The following PCDH9 variants were observed in gnomAD, a reference collection of about 807,000 sequenced individuals.
The protein encoded by PCDH9 is protocadherin 9, also known as protocadherin-9.
Under a neutral mutation model 70.6 loss-of-function variants are expected in PCDH9, and 24 were observed. The observed-to-expected ratio is 0.34, with a 90% CI of 0.25 to 0.48. The LOEUF (loss-of-function observed/expected upper bound fraction) is 0.48. Among genes scored for constraint, PCDH9 ranks in the 20% least tolerant of loss-of-function variants. The pLI, the probability that PCDH9 is intolerant of heterozygous loss-of-function variation, is 0.99. For synonymous variants in PCDH9, 562 were observed against 558.5 expected, an observed-to-expected ratio of 1.01 and a Z score of -0.09; for missense variants, 1,281 against 1,503.6, an observed-to-expected ratio of 0.85 and a Z score of 2.45.
intron 2 of PCDH9, among the ~76,000 whole-genome samples, chr13:67,185,540 G>T (rs1043788049): frequency 1.3e-5 from 2 of 152,100 alleles, no homozygotes; most frequent in African/African-American, 4.8e-5. Flanking sequence ...TCAAAATTCA[G>T]TGCTTCTCTA....
At chr13:66,801,762 G>T (rs781602323) in intron 3 of PCDH9, among the ~76,000 whole-genome samples, 7 of 151,968 alleles carry the variant, frequency 4.6e-5, no homozygotes, top group African/African-American at 1.7e-4. Context: ...TTGCAGAAAG[G>T]TTAAGATATA....
chr13:66,940,308 G>T (rs2082986724), intron 2 of PCDH9, among the ~76,000 whole-genome samples: 1 of 152,026 alleles, frequency 6.6e-6, no homozygotes, highest in Non-Finnish European at 1.5e-5. Flanking sequence ...TGTCAGCTGA[G>T]TTCTTATTCA....
chr13:66,564,695 C>G (rs980890990), intron 4 of PCDH9, among the ~76,000 whole-genome samples: 5 of 151,982 alleles, frequency 3.3e-5, no homozygotes, highest in African/African-American at 9.7e-5. Flanking sequence ...TTATATTAGT[C>G]ATAAAATATT....
intron 3 of PCDH9, among the ~76,000 whole-genome samples, chr13:66,809,342 A>C (rs2080462718): frequency 6.6e-6 from 1 of 152,192 alleles, no homozygotes; most frequent in Admixed American, 6.6e-5. Context: ...TTTTATAGAA[A>C]ATTTTGTTTA....
chr13:67,208,777 C>G (rs547271482), intron 2 of PCDH9: 1 of 152,126 alleles, frequency 6.6e-6, no homozygotes, highest in African/African-American at 2.4e-5. Context: ...ATCTTTGATA[C>G]GAGTAGTTGG....
intron 3 of PCDH9, among the ~76,000 whole-genome samples, chr13:66,779,841 C>CTATA (rs1461666323): frequency 5.3e-4 from 14 of 26,242 alleles, no homozygotes; most frequent in Admixed American, 7.3e-4. Context: ...CTCTCTCTCT[C>CTATA]TCTCTCTCTA....
intron 4 of PCDH9, among the ~76,000 whole-genome samples, chr13:66,400,803 C>T (rs1269367871): frequency 6.6e-6 from 1 of 151,922 alleles, no homozygotes; most frequent in Non-Finnish European, 1.5e-5. Context: ...TTCAACTGTT[C>T]AACTTGATAG....
At chr13:67,042,704 A>C (rs2085145567) in intron 2 of PCDH9, among the ~76,000 whole-genome samples, 1 of 152,220 alleles carries the variant, frequency 6.6e-6, no homozygotes, top group Admixed American at 6.5e-5. Flanking sequence ...TGCACCAGGC[A>C]CAATGGGAAT....
chr13:67,090,563 G>A (rs560054877), intron 2 of PCDH9, among the ~76,000 whole-genome samples: 1 of 151,692 alleles, frequency 6.6e-6, no homozygotes, highest in African/African-American at 2.4e-5. Context: ...AGTGAATAAA[G>A]AATATTGTTA....
intron 2 of PCDH9, chr13:67,212,282 T>TGA (rs146478844): frequency 3.3e-5 from 5 of 151,948 alleles, no homozygotes; most frequent in South Asian, 4.2e-4. Flanking sequence ...AAAAAAAATG[T>TGA]GAGAGAGAGA....
intron 4 of PCDH9, among the ~76,000 whole-genome samples, chr13:66,545,894 C>T (rs894352374): frequency 2.0e-5 from 3 of 151,310 alleles, no homozygotes; most frequent in Non-Finnish European, 4.4e-5. Context: ...GGCTGGAGTG[C>T]AGTGGCACAT....
At chr13:66,305,121 T>G (rs1955442217) in intron 4 of PCDH9, 93 bp from the exon 5 acceptor site, 5 of 1,116,902 alleles carry the variant, frequency 4.5e-6, no homozygotes, top group Non-Finnish European at 4.9e-6. Flanking sequence ...ATTAGTGATC[T>G]TATTTTTTCA....
intron 3 of PCDH9, among the ~76,000 whole-genome samples, chr13:66,697,749 T>C (rs1211525576): frequency 3.3e-5 from 5 of 152,162 alleles, no homozygotes; most frequent in African/African-American, 1.2e-4. Context: ...GGAATGATCA[T>C]ATGATCCAGC....
chr13:66,630,320 A>G (rs1424542738), intron 4 of PCDH9, among the ~76,000 whole-genome samples: 2 of 152,158 alleles, frequency 1.3e-5, no homozygotes, highest in Non-Finnish European at 2.9e-5. Context: ...CCATGAACAT[A>G]CCCCACCAGA....
chr13:66,915,026 C>A (rs955573776), intron 2 of PCDH9: 1 of 151,486 alleles, frequency 6.6e-6, no homozygotes, highest in Non-Finnish European at 1.5e-5. Flanking sequence ...AATACATTTA[C>A]TTCAAGTAAG....
chr13:66,874,090 G>A (rs1045641532), intron 3 of PCDH9, among the ~76,000 whole-genome samples: 1 of 151,666 alleles, frequency 6.6e-6, no homozygotes, highest in African/African-American at 2.4e-5. Flanking sequence ...ACAGGTGTGT[G>A]CCACCATGTC....
chr13:66,955,028 G>C (rs2083245735), intron 2 of PCDH9, among the ~76,000 whole-genome samples: 1 of 152,170 alleles, frequency 6.6e-6, no homozygotes, highest in Non-Finnish European at 1.5e-5. Context: ...CTCCCAAAGT[G>C]CTGGGATTAC....
intron 2 of PCDH9, among the ~76,000 whole-genome samples, chr13:67,110,247 G>A (rs555809490): frequency 6.6e-6 from 1 of 151,612 alleles, no homozygotes; most frequent in African/African-American, 2.4e-5. Context: ...GATACGGCCG[G>A]GTGCAGTGGC....
At chr13:66,939,481 AG>A in intron 2 of PCDH9, among the ~76,000 whole-genome samples, 1 of 148,504 alleles carries the variant, frequency 6.7e-6, no homozygotes, top group Admixed American at 6.8e-5. Context: ...TCTGTTGCCC[AG>A]GGTGCAATGG....
Sources: allele counts gnomAD v4.1 joint callset (sites outside exome capture counted in the v4.1 genomes callset), GRCh38; gene constraint gnomAD v4.1.1; transcripts MANE v1.5; gene names NCBI Gene and HGNC (gene_info 2026-07-23, HGNC 2026-07-21).